GRID2: variants seen among roughly 807,000 people sequenced by gnomAD.
GRID2 encodes the protein glutamate receptor ionotropic, delta-2.
GRID2 carries 33 observed loss-of-function variants against 114.8 expected under a neutral mutation model. That is an observed-to-expected ratio of 0.29 (90% CI 0.22 to 0.38). GRID2 has a LOEUF of 0.38. Among genes scored for constraint, GRID2 ranks in the 10% least tolerant of loss-of-function variants. The pLI is 1.00. For synonymous variants in GRID2, 505 were observed against 449.9 expected (o/e 1.12, Z -1.55); for missense variants, 1,184 against 1,257.7 (o/e 0.94, Z 0.89).
Position 92,349,550 on chromosome 4 carries a change from ATATTT to A in GRID2, c.88+44813_88+44817del, listed in dbSNP as rs975318138. On this transcript the variant is annotated intron_variant, in intron 1 of 15. Coordinates refer to ENST00000282020, the MANE Select transcript of GRID2 (RefSeq NM_001510.4). Reference sequence around the variant, plus strand: ...TCAAGATTTTACTTTTATTTAAAACATATTTTATTTTTAAAATAAAATGAAATTTA... The same window carrying A: ...TCAAGATTTTACTTTTATTTAAAACATATTTTTAAAATAAAATGAAATTTA... Among the ~76,000 whole-genome samples the A allele has an allele frequency of 8.6e-5, 13 of 151,620 alleles. No homozygotes were observed. In the Middle Eastern group the frequency reaches 0.017, roughly 200 times the overall value.
chr4:93,000,801 C>T (rs1371968488), intron 2 of GRID2, among the ~76,000 whole-genome samples: 1 of 54,912 alleles, frequency 1.8e-5, no homozygotes, highest in African/African-American at 7.3e-5. Flanking sequence ...ACTGGGGACT[C>T]TAAAATTGGG....
At chr4:92,674,110 T>C (rs1000373184) in intron 2 of GRID2, among the ~76,000 whole-genome samples, 3 of 152,220 alleles carry the variant, frequency 2.0e-5, no homozygotes, top group Non-Finnish European at 4.4e-5. Flanking sequence ...GAGTGCTTTT[T>C]CATTGGATTT....
In GRID2 at chr4:93,030,384, CT is replaced by C. The variant is rs1297982756; in HGVS notation, c.245-54595del. Among the ~76,000 whole-genome samples the C allele has an allele frequency of 3.1e-3, 439 of 140,830 alleles. 1 individual carries two copies. Among genetic ancestry groups the C allele is most frequent in the East Asian group, 9.5e-3 (46 of 4,840 alleles). 92.4% of individuals were successfully genotyped at this position (140,830 alleles called of 152,430 possible). On this transcript the variant is annotated intron_variant, in intron 2 of 15. Coordinates refer to ENST00000282020, the MANE Select transcript of GRID2 (RefSeq NM_001510.4). ...GAGGTTGATGCTCGTAGAGCTGCAT[CT>C]TTTTTTTTTTTTTTTCTGAGATGGA... is the stretch of plus-strand genomic sequence containing the variant.
At chr4:92,609,665 T>C (rs1437095920) in intron 2 of GRID2, among the ~76,000 whole-genome samples, 1 of 150,950 alleles carries the variant, frequency 6.6e-6, no homozygotes, top group Non-Finnish European at 1.5e-5. Context: ...TAATTTTTCT[T>C]TCTTCTCGTG....
At chr4:93,139,442 G>A (rs556985174) in intron 4 of GRID2, among the ~76,000 whole-genome samples, 5 of 152,084 alleles carry the variant, frequency 3.3e-5, no homozygotes, top group Non-Finnish European at 5.9e-5. Context: ...AAACCAGGGG[G>A]GATGATGGAG....
chr4:92,659,132 A>C (rs1293926636), intron 2 of GRID2, among the ~76,000 whole-genome samples: 1 of 151,594 alleles, frequency 6.6e-6, no homozygotes, highest in Non-Finnish European at 1.5e-5. Context: ...TAAAATACTA[A>C]AGTTATGTAT....
chr4:92,990,986 A>G (rs1318247478), intron 2 of GRID2, among the ~76,000 whole-genome samples: 3 of 152,234 alleles, frequency 2.0e-5, no homozygotes, highest in Non-Finnish European at 4.4e-5. Flanking sequence ...AATAATGATG[A>G]TAATGGTAGC....
chr4:93,634,487 A>G (rs1721238377), intron 14 of GRID2, among the ~76,000 whole-genome samples: 1 of 152,180 alleles, frequency 6.6e-6, no homozygotes. Context: ...GTTTCATATA[A>G]TGCTTGCCAC....
At chr4:93,270,678 G>T (rs778570223) in intron 8 of GRID2, among the ~76,000 whole-genome samples, 3 of 151,964 alleles carry the variant, frequency 2.0e-5, no homozygotes, top group Non-Finnish European at 2.9e-5. Context: ...GCCCAGGCTG[G>T]AGTGCAGTGG....
chr4:93,544,103 T>C (rs1208424035), intron 13 of GRID2, among the ~76,000 whole-genome samples: 4 of 152,164 alleles, frequency 2.6e-5, no homozygotes, highest in Non-Finnish European at 5.9e-5. Context: ...AAATTGGATA[T>C]AGATTGCCTT....
intron 8 of GRID2, among the ~76,000 whole-genome samples, chr4:93,293,602 T>C (rs1370721112): frequency 1.3e-5 from 2 of 148,970 alleles, no homozygotes; most frequent in East Asian, 1.9e-4. Flanking sequence ...AGACACATTA[T>C]TGAAAAAAAA....
At chr4:92,935,477 C>G (rs1388083004) in intron 2 of GRID2, among the ~76,000 whole-genome samples, 1 of 146,504 alleles carries the variant, frequency 6.8e-6, no homozygotes, top group Non-Finnish European at 1.5e-5. Flanking sequence ...GTCAGTGTGG[C>G]GCTTCCTCAG....
chr4:93,718,263 A>C (rs961564552), intron 14 of GRID2, among the ~76,000 whole-genome samples: 11 of 152,222 alleles, frequency 7.2e-5, no homozygotes, highest in Non-Finnish European at 1.6e-4. Flanking sequence ...GGATACAAAA[A>C]AATTATTTTC....
chr4:93,631,314 C>T (rs1720837663), intron 14 of GRID2, among the ~76,000 whole-genome samples: 1 of 151,866 alleles, frequency 6.6e-6, no homozygotes, highest in Non-Finnish European at 1.5e-5. Flanking sequence ...TGTGCTGCAC[C>T]CATTAACTCA....
chr4:93,486,368 C>G (rs1468953209), intron 11 of GRID2, among the ~76,000 whole-genome samples: 1 of 151,510 alleles, frequency 6.6e-6, no homozygotes, highest in African/African-American at 2.4e-5. Context: ...ACTACAGAGT[C>G]TAGCACAACT....
intron 2 of GRID2, among the ~76,000 whole-genome samples, chr4:93,035,358 C>T (rs890711938): frequency 1.3e-5 from 2 of 152,122 alleles, no homozygotes; most frequent in African/African-American, 4.8e-5. Context: ...AAGTGACAGG[C>T]CCTCCTAGAC....
At chr4:92,578,778 T>G (rs933503099) in intron 1 of GRID2, among the ~76,000 whole-genome samples, 16 of 137,306 alleles carry the variant, frequency 1.2e-4, no homozygotes, top group Non-Finnish European at 1.6e-5. Flanking sequence ...ATATTTGAAT[T>G]CTTGTAATTA....
At position 92,565,282 on chromosome 4, in the gene GRID2, A is replaced by G. The variant is rs186310034; in HGVS notation, c.89-24849A>G. 7.2e-5 allele frequency among the ~76,000 whole-genome samples: 11 copies of G among 152,172 alleles called. No individual in the cohort carries two copies. The East Asian group carries it at 2.1e-3, about 29-fold the overall frequency. ...ATGTTTCTTTACAAGAAAAGCACCC[A>G]GGCTGGAAACAATATAAACATTGTA... On this transcript the variant is annotated intron_variant, in intron 1 of 15. Transcript: ENST00000282020.
chr4:93,389,749 A>G (rs1175461137), intron 8 of GRID2, among the ~76,000 whole-genome samples: 1 of 151,738 alleles, frequency 6.6e-6, no homozygotes, highest in African/African-American at 2.4e-5. Flanking sequence ...TAGCCATTCT[A>G]TGAGTTTGCA....
Sources: allele counts gnomAD v4.1 joint callset (sites outside exome capture counted in the v4.1 genomes callset), GRCh38; gene constraint gnomAD v4.1.1; transcripts MANE v1.5; gene names NCBI Gene and HGNC (gene_info 2026-07-23, HGNC 2026-07-21).